ZPBP: variants seen among roughly 807,000 people sequenced by gnomAD.
ZPBP encodes zona pellucida-binding protein 1.
In ZPBP, 26 loss-of-function variants were observed where a neutral mutation model predicts 44.8. The observed-to-expected ratio is 0.58, with a 90% CI of 0.43 to 0.81. ZPBP has a LOEUF of 0.81. Ranked by LOEUF, ZPBP falls within the 30% of genes least tolerant of loss-of-function variation. The pLI is 0.00. For synonymous variants in ZPBP, 174 were observed against 153.2 expected (o/e 1.14, Z -1.00); for missense variants, 409 against 434.0 (o/e 0.94, Z 0.51).
At chr7:50,025,106 G>C (rs187786434) in intron 5 of ZPBP, among the ~76,000 whole-genome samples, 1 of 151,696 alleles carries the variant, frequency 6.6e-6, no homozygotes, top group Non-Finnish European at 1.5e-5. Context: ...TCTGTATGAG[G>C]AAAACTGTAA....
chr7:50,003,032 C>CA lies in ZPBP; in HGVS notation c.783+15207dup, dbSNP rs758626918. On this transcript the variant is annotated intron_variant, in intron 6 of 7. Transcript: ENST00000046087. ...GCTAAAACAGAAATTATTCTACAGA[C>CA]ACAATTTGCTAATAATTCCCTACTT... Among the ~76,000 whole-genome samples the CA allele has an allele frequency of 1.1e-4, 17 of 152,296 alleles. No homozygotes were observed. In the East Asian group the frequency reaches 2.9e-3, roughly 26 times the overall value.
At chr7:49,986,648 T>A (rs963556037) in intron 6 of ZPBP, among the ~76,000 whole-genome samples, 1 of 152,028 alleles carries the variant, frequency 6.6e-6, no homozygotes, top group South Asian at 2.1e-4. Context: ...CTTTTTTTTT[T>A]CTCCACCAGG....
At chr7:50,011,728 C>G (rs1004749002) in intron 6 of ZPBP, among the ~76,000 whole-genome samples, 1 of 151,230 alleles carries the variant, frequency 6.6e-6, no homozygotes, top group Admixed American at 6.6e-5. Context: ...GGAAATTAAG[C>G]AACCCACTAC....
At chr7:50,011,104 A>C (rs1289952632) in intron 6 of ZPBP, among the ~76,000 whole-genome samples, 4 of 152,064 alleles carry the variant, frequency 2.6e-5, no homozygotes, top group African/African-American at 9.7e-5. Context: ...ACCAAAACAT[A>C]AAGTGAGGAA....
At chr7:49,863,711 G>A (rs746648198) in intron 2 of ZPBP, among the ~76,000 whole-genome samples, 3 of 152,130 alleles carry the variant, frequency 2.0e-5, no homozygotes, top group Non-Finnish European at 4.4e-5. Flanking sequence ...GATTAGAGAC[G>A]TGAGCCACTG....
chr7:49,985,826 T>G (rs1284916685), intron 6 of ZPBP, among the ~76,000 whole-genome samples: 2 of 152,140 alleles, frequency 1.3e-5, no homozygotes, highest in Admixed American at 1.3e-4. Context: ...GGCAACAGAC[T>G]GGGGGCCTGC....
intron 6 of ZPBP, among the ~76,000 whole-genome samples, chr7:49,986,578 C>T (rs759197600): frequency 2.0e-5 from 3 of 152,192 alleles, no homozygotes; most frequent in Non-Finnish European, 2.9e-5. Flanking sequence ...AAGAACCATT[C>T]GCATAAGAAT....
intron 1 of ZPBP, chr7:49,918,048 T>TAG (rs1793818056): frequency 1.3e-5 from 2 of 152,194 alleles, no homozygotes; most frequent in African/African-American, 4.8e-5. Flanking sequence ...AGTTTCATAG[T>TAG]TTTAAAAAGC....
Position 49,955,349 on chromosome 7 carries a change from C to A in ZPBP, c.962-17727G>T, listed in dbSNP as rs7809660. Among the ~76,000 whole-genome samples the A allele has an allele frequency of 4.5e-3, 684 of 152,056 alleles. 4 individuals carry two copies. The highest frequency in any genetic ancestry group is 0.016 in the African/African-American group (647 of 41,488). On this transcript the variant is annotated intron_variant, in intron 7 of 7. Coordinates refer to ENST00000046087, the MANE Select transcript of ZPBP (RefSeq NM_007009.3). ...CAAAGTGGGCGGATCACAAGGTCAG[C>A]CACTCAAGACCAGCCTGGCTAACAC...
intron 7 of ZPBP, among the ~76,000 whole-genome samples, chr7:49,945,502 T>C (rs1290340094): frequency 3.3e-5 from 5 of 152,164 alleles, no homozygotes; most frequent in Non-Finnish European, 7.4e-5. Flanking sequence ...GCTCTAATAA[T>C]ATGTGCTTTA....
rs550651970 is a variant in ZPBP, at chr7:49,993,584, C to A, written c.784-10065G>T. On this transcript the variant is annotated intron_variant, in intron 6 of 7. Coordinates refer to ENST00000046087, the MANE Select transcript of ZPBP (RefSeq NM_007009.3). ...AAATAAAATTTAAAAATATGTGTAA[C>A]AACATTAAATAAGAAATACTTAGAA... Among the ~76,000 whole-genome samples, 9 of 152,122 alleles carry A rather than the reference C, an allele frequency of 5.9e-5. No homozygotes were observed. In the South Asian group the frequency reaches 1.7e-3, roughly 28 times the overall value.
intron 2 of ZPBP, among the ~76,000 whole-genome samples, chr7:49,860,359 CT>C (rs1183923929): frequency 2.0e-5 from 3 of 152,288 alleles, no homozygotes; most frequent in African/African-American, 7.2e-5. Context: ...AATATTTGTC[CT>C]TTTGTGTCTG....
chr7:50,093,151 C>T lies in ZPBP; in HGVS notation c.44G>A (p.Arg15Gln). The T allele has an allele frequency of 2.6e-6, 4 of 1,541,436 alleles. No homozygotes were observed. The highest frequency in any genetic ancestry group is 2.5e-5 in the East Asian group (1 of 40,400). Residue 15 changes from arginine to glutamine, a missense_variant, in exon 1 of 8, where the codon CGG becomes CAG. By Grantham distance (43) the Arg-to-Gln change is conservative. Around this residue, in one of 2 missense-constraint regions of ZPBP, gnomAD observed 367 missense variants for 363.1 expected, o/e 1.01. Transcript: ENST00000046087. The part of the protein sequence containing the change: ...ALGPARRGRR[R>Q]TRAAGSLLSR... ...GAGCAGGGAGCCGGCGGCCCGGGTC[C>T]GCCGCCTGCCCCGCCGCGCTGGGCC...
At position 49,852,067 on chromosome 7, in the gene ZPBP, C is replaced by T. The variant is rs145515597; in HGVS notation, n.510-1553G>A. Among the ~76,000 whole-genome samples, 236 of 152,302 alleles carry T rather than the reference C, an allele frequency of 1.5e-3. 3 individuals are homozygous for T. The highest frequency in any genetic ancestry group is 5.4e-3 in the African/African-American group (226 of 41,574). On this transcript the variant is annotated intron_variant and non_coding_transcript_variant, in intron 2 of 2. Coordinates refer to the ZPBP transcript ENST00000465922. ...TAAACCAATAACTGTATTGAGCAGT[C>T]AGGATGCTGGGAGCCCGACAGAGGC...
chr7:49,961,450 A>C (rs1445724716), intron 7 of ZPBP, among the ~76,000 whole-genome samples: 1 of 152,176 alleles, frequency 6.6e-6, no homozygotes, highest in Non-Finnish European at 1.5e-5. Flanking sequence ...GCCTAGGAGT[A>C]GGTGTTGAGA....
intron 2 of ZPBP, among the ~76,000 whole-genome samples, chr7:49,852,912 G>A (rs1288664729): frequency 6.6e-6 from 1 of 152,166 alleles, no homozygotes; most frequent in Non-Finnish European, 1.5e-5. Context: ...TGTGGACTTG[G>A]GTAACTACAA....
chr7:49,867,127 CCT>C (rs1448489783), intron 2 of ZPBP, among the ~76,000 whole-genome samples: 1 of 152,150 alleles, frequency 6.6e-6, no homozygotes, highest in Non-Finnish European at 1.5e-5. Context: ...ATGTGGGGAG[CCT>C]CTCGAGAGAA....
At chr7:49,847,675 C>T (rs1054618927), downstream of ZPBP, among the ~76,000 whole-genome samples, 2 of 152,176 alleles carry the variant, frequency 1.3e-5, no homozygotes, top group African/African-American at 4.8e-5. Context: ...AAAATATGAG[C>T]AAAAGCCCTC....
intron 7 of ZPBP, among the ~76,000 whole-genome samples, chr7:49,981,307 T>TCA (rs1562818929): frequency 1.8e-5 from 1 of 55,222 alleles, no homozygotes; most frequent in Non-Finnish European, 3.9e-5. Flanking sequence ...TTATATATAA[T>TCA]TATATATTAT....
Sources: allele counts gnomAD v4.1 joint callset (sites outside exome capture counted in the v4.1 genomes callset), GRCh38; gene constraint gnomAD v4.1.1; regional missense constraint gnomAD v4.1.1; transcripts MANE v1.5; gene names NCBI Gene and HGNC (gene_info 2026-07-23, HGNC 2026-07-21).